The following ATP10B variants were observed in gnomAD, a reference collection of about 807,000 sequenced individuals.
ATP10B encodes ATPase phospholipid transporting 10B (putative).
ATP10B carries 122 observed loss-of-function variants against 141.2 expected under a neutral mutation model. The observed-to-expected ratio is 0.86, with a 90% confidence interval of 0.75 to 1.00. The LOEUF is 1.00. Among genes scored for constraint, ATP10B ranks in the 50% least tolerant of loss-of-function variants. ATP10B has a pLI of 0.00. For synonymous variants in ATP10B, 685 were observed against 692.0 expected (o/e 0.99, Z 0.16); for missense variants, 1,876 against 1,825.3 (o/e 1.03, Z -0.51).
chr5:160,826,935 A>T (rs1774650887), intron 1 of ATP10B, among the ~76,000 whole-genome samples: 1 of 152,134 alleles, frequency 6.6e-6, no homozygotes, highest in South Asian at 2.1e-4. Flanking sequence ...TTCTGTTAAG[A>T]TGTTTATCAA....
In ATP10B at chr5:160,648,088, C is replaced by T. The variant is rs543529992; in HGVS notation, c.761+1083G>A. Among the ~76,000 whole-genome samples, 20 of 152,260 alleles carry T rather than the reference C, an allele frequency of 1.3e-4. No individual in the cohort carries two copies. In the South Asian group the frequency reaches 4.1e-3, roughly 32 times the overall value. On this transcript the variant is annotated intron_variant, in intron 8 of 25. Coordinates refer to ENST00000327245, the MANE Select transcript of ATP10B (RefSeq NM_025153.3). Reference sequence around the variant, plus strand: ...TATAAGTCCTGGCTTTGTCTTGTTCCTGCTGTGAGTTAGGGAGAATCTTTG... The same window carrying T: ...TATAAGTCCTGGCTTTGTCTTGTTCTTGCTGTGAGTTAGGGAGAATCTTTG...
chr5:160,764,872 A>G (rs1300738852), intron 2 of ATP10B, among the ~76,000 whole-genome samples: 4 of 152,236 alleles, frequency 2.6e-5, no homozygotes, highest in African/African-American at 9.6e-5. Context: ...CTTTCAGGAT[A>G]CAAAATTAAT....
At chr5:160,813,414 A>G (rs2070124685) in intron 1 of ATP10B, among the ~76,000 whole-genome samples, 1 of 152,214 alleles carries the variant, frequency 6.6e-6, no homozygotes, top group African/African-American at 2.4e-5. Context: ...ATCAAACTGC[A>G]AGGCAGCAGT....
chr5:160,622,712 C>T (rs1758415354), intron 13 of ATP10B, 127 bp from the exon 14 acceptor site: 4 of 882,000 alleles, frequency 4.5e-6, no homozygotes, highest in Middle Eastern at 3.2e-4. Context: ...GTTTTCCTCT[C>T]CCACAGGTCT....
At chr5:160,568,307 T>G (rs968857046) in intron 25 of ATP10B, among the ~76,000 whole-genome samples, 3 of 151,620 alleles carry the variant, frequency 2.0e-5, no homozygotes, top group African/African-American at 7.3e-5. Context: ...TTGCTTTTTA[T>G]GGAGAGAACA....
At chr5:160,730,909 G>A (rs1051883467) in intron 2 of ATP10B, among the ~76,000 whole-genome samples, 1 of 152,184 alleles carries the variant, frequency 6.6e-6, no homozygotes, top group Admixed American at 6.5e-5. Context: ...AAAGGACCTT[G>A]AGCCTCTGCT....
At chr5:160,849,120 C>T (rs1191458449) in intron 1 of ATP10B, among the ~76,000 whole-genome samples, 2 of 152,096 alleles carry the variant, frequency 1.3e-5, no homozygotes, top group African/African-American at 2.4e-5. Context: ...ATTTGGGAAC[C>T]ACTGCTCTAG....
intron 2 of ATP10B, among the ~76,000 whole-genome samples, chr5:160,740,585 G>C (rs548072240): frequency 3.9e-5 from 6 of 152,054 alleles, no homozygotes; most frequent in African/African-American, 1.5e-4. Flanking sequence ...TTCACATCTC[G>C]TCTTTTATTT....
intron 7 of ATP10B, among the ~76,000 whole-genome samples, chr5:160,653,622 TTATATATACATATATACATATATATTATA>T (rs1561705344): frequency 2.1e-4 from 2 of 9,656 alleles, no homozygotes; most frequent in East Asian, 6.0e-3. Context: ...TACATATATA[TTATATATACATATATACATATATATTATA>T]TATACATATA....
In ATP10B at chr5:160,736,109, A is replaced by G. The variant is rs1767096937; in HGVS notation, c.-330-19075T>C. Among the ~76,000 whole-genome samples, 3 of 152,184 alleles carry G rather than the reference A, an allele frequency of 2.0e-5. No individual in the cohort carries two copies. In the East Asian group the frequency reaches 5.8e-4, roughly 29 times the overall value. On this transcript the variant is annotated intron_variant, in intron 2 of 25. Coordinates refer to ENST00000327245, the MANE Select transcript of ATP10B (RefSeq NM_025153.3). Reference sequence around the variant, plus strand: ...GCAAGAGCAAACCAAACCCAAAATTAGTCGAAGAAAAGAAATAAAGATCAG... The same window carrying G: ...GCAAGAGCAAACCAAACCCAAAATTGGTCGAAGAAAAGAAATAAAGATCAG...
At chr5:160,849,110 AT>A (rs1753635758) in intron 1 of ATP10B, among the ~76,000 whole-genome samples, 1 of 152,160 alleles carries the variant, frequency 6.6e-6, no homozygotes, top group African/African-American at 2.4e-5. Flanking sequence ...CAGGAAGCAT[AT>A]TTGGGAACCA....
At chr5:160,834,323 C>A (rs1775286858) in intron 1 of ATP10B, among the ~76,000 whole-genome samples, 1 of 151,660 alleles carries the variant, frequency 6.6e-6, no homozygotes. Flanking sequence ...AGACCCTGTC[C>A]CCAAAATAAA....
chr5:160,777,596 C>T (rs558254560), intron 2 of ATP10B, among the ~76,000 whole-genome samples: 57 of 152,232 alleles, frequency 3.7e-4, no homozygotes, highest in African/African-American at 1.1e-3. Flanking sequence ...AGAATCACAC[C>T]GGATGTGTAC....
intron 3 of ATP10B, among the ~76,000 whole-genome samples, chr5:160,715,231 G>T (rs1276683964): frequency 8.0e-6 from 1 of 124,340 alleles, no homozygotes; most frequent in Non-Finnish European, 1.7e-5. Context: ...CTGCCTTGCA[G>T]TTTGATCTCA....
At chr5:160,855,535 G>A (rs545699069), upstream of ATP10B, among the ~76,000 whole-genome samples, 9 of 151,106 alleles carry the variant, frequency 6.0e-5, no homozygotes, top group East Asian at 1.7e-3. Flanking sequence ...TCGGATATGT[G>A]GTTGGGAAAT....
At chr5:160,824,197 T>C (rs1458244829) in intron 1 of ATP10B, among the ~76,000 whole-genome samples, 3 of 152,022 alleles carry the variant, frequency 2.0e-5, no homozygotes, top group Non-Finnish European at 2.9e-5. Context: ...TTTGTATTTT[T>C]AGTAGAGACA....
intron 7 of ATP10B, among the ~76,000 whole-genome samples, chr5:160,663,084 A>G (rs1427935544): frequency 2.0e-5 from 3 of 152,222 alleles, no homozygotes; most frequent in Non-Finnish European, 4.4e-5. Context: ...CAAAACCACA[A>G]TGAGATACCA....
intron 2 of ATP10B, among the ~76,000 whole-genome samples, chr5:160,722,206 T>A (rs574570422): frequency 1.3e-5 from 2 of 152,350 alleles, no homozygotes; most frequent in African/African-American, 4.8e-5. Flanking sequence ...TGGATTAAAA[T>A]TTGTGTTTAT....
chr5:160,649,044 T>C (rs1057294517), intron 8 of ATP10B, 127 bp downstream of exon 8: 56 of 545,952 alleles, frequency 1.0e-4, no homozygotes, highest in Non-Finnish European at 1.6e-4. Flanking sequence ...CTAGTCCCTC[T>C]TTATCACACA....
Sources: gnomAD v4.1 joint callset for allele counts (sites outside exome capture counted in the v4.1 genomes callset) on GRCh38, gnomAD v4.1.1 for gene constraint, MANE v1.5 for transcripts, NCBI Gene and HGNC (gene_info 2026-07-23, HGNC 2026-07-21) for gene names.